CTNNA2: variants seen among roughly 807,000 people sequenced by gnomAD.
CTNNA2 encodes the protein catenin alpha 2.
In CTNNA2, 42 loss-of-function variants were observed where a neutral mutation model predicts 101.0. That is an observed-to-expected ratio of 0.42 (90% CI 0.32 to 0.54). The LOEUF is 0.54. CTNNA2 is among the 20% of genes least tolerant of loss of function. The pLI, the probability that CTNNA2 is intolerant of heterozygous loss-of-function variation, is 0.14. For synonymous variants in CTNNA2, 450 were observed against 456.4 expected (o/e 0.99, Z 0.18); for missense variants, 871 against 1,223.1 (o/e 0.71, Z 4.29).
At chr2:80,556,394 G>T (rs1475514467) in intron 12 of CTNNA2, among the ~76,000 whole-genome samples, 2 of 152,196 alleles carry the variant, frequency 1.3e-5, no homozygotes, top group Non-Finnish European at 2.9e-5. Context: ...TTTAGATAGT[G>T]AGTGGATATG....
chr2:79,647,299 A>G (rs1342470034), intron 1 of CTNNA2, among the ~76,000 whole-genome samples: 1 of 152,206 alleles, frequency 6.6e-6, no homozygotes, highest in Non-Finnish European at 1.5e-5. Flanking sequence ...CCAAAAAAGG[A>G]AATTTAAATT....
At chr2:80,309,330 G>T (rs1471807407) in intron 7 of CTNNA2, among the ~76,000 whole-genome samples, 1 of 152,064 alleles carries the variant, frequency 6.6e-6, no homozygotes, top group African/African-American at 2.4e-5. Flanking sequence ...TTTCTTAACT[G>T]ACTCCGAGGC....
At position 79,317,895 on chromosome 2, in the gene CTNNA2, A is replaced by G. The variant is rs140638353; in HGVS notation, c.-318+5099A>G. ...TTATCAATATGGACATAATTTTAAC[A>G]GATGAAATTTGTTAATTTTTAAATT... On this transcript the variant is annotated intron_variant, in intron 3 of 21. Coordinates refer to the CTNNA2 transcript ENST00000466387. Among the ~76,000 whole-genome samples the G allele has an allele frequency of 3.9e-3, 588 of 152,238 alleles. 3 individuals are homozygous for G. The highest frequency in any genetic ancestry group is 0.013 in the African/African-American group (552 of 41,572).
chr2:80,283,827 T>A (rs943214544), intron 7 of CTNNA2, among the ~76,000 whole-genome samples: 1 of 151,006 alleles, frequency 6.6e-6, no homozygotes, highest in Non-Finnish European at 1.5e-5. Context: ...GAATGGAAGA[T>A]GGGAGGGCAA....
intron 7 of CTNNA2, among the ~76,000 whole-genome samples, chr2:80,307,202 A>AC (rs1237695355): frequency 6.6e-6 from 1 of 151,976 alleles, no homozygotes; most frequent in African/African-American, 2.4e-5. Flanking sequence ...CCTTGGCAGA[A>AC]CCGTATACAT....
At chr2:80,536,917 TA>T (rs1691082860) in intron 9 of CTNNA2, among the ~76,000 whole-genome samples, 1 of 152,250 alleles carries the variant, frequency 6.6e-6, no homozygotes, top group African/African-American at 2.4e-5. Context: ...ATGGTCACTA[TA>T]CATTTTACTT....
chr2:80,010,522 T>G (rs1693703991), intron 7 of CTNNA2, among the ~76,000 whole-genome samples: 1 of 152,166 alleles, frequency 6.6e-6, no homozygotes, highest in Admixed American at 6.5e-5. Context: ...AGGGCTGGTC[T>G]TGAACTCCTA....
At chr2:79,252,213 T>A (rs911626692) in intron 2 of CTNNA2, among the ~76,000 whole-genome samples, 7 of 152,032 alleles carry the variant, frequency 4.6e-5, no homozygotes, top group African/African-American at 1.7e-4. Flanking sequence ...GGATAAAGAG[T>A]GTGTTTACAA....
chr2:80,606,502 A>C (rs1698041169), intron 16 of CTNNA2, among the ~76,000 whole-genome samples: 1 of 151,774 alleles, frequency 6.6e-6, no homozygotes, highest in Non-Finnish European at 1.5e-5. Flanking sequence ...GATTAAGTTT[A>C]AACCTAATCC....
intron 4 of CTNNA2, among the ~76,000 whole-genome samples, chr2:79,463,262 G>T (rs1312666923): frequency 6.6e-6 from 1 of 151,940 alleles, no homozygotes; most frequent in Admixed American, 6.6e-5. Context: ...ACAAAAATTA[G>T]CCAGGTGTGA....
intron 16 of CTNNA2, 48 bp downstream of exon 16, chr2:80,604,227 T>A: frequency 1.4e-6 from 2 of 1,481,034 alleles, no homozygotes; most frequent in African/African-American, 1.4e-5. Flanking sequence ...AGTCACTAAT[T>A]AGCACTTGGG....
intron 17 of CTNNA2, among the ~76,000 whole-genome samples, chr2:80,609,948 T>C (rs1698324251): frequency 6.6e-6 from 1 of 151,726 alleles, no homozygotes; most frequent in African/African-American, 2.4e-5. Flanking sequence ...CACTGGCTTT[T>C]ATCACTTGCA....
intron 3 of CTNNA2, among the ~76,000 whole-genome samples, chr2:79,837,407 C>G (rs1417319993): frequency 6.6e-6 from 1 of 152,142 alleles, no homozygotes; most frequent in African/African-American, 2.4e-5. Context: ...CTGCCTTTCC[C>G]AGTCCTAACT....
chr2:79,207,645 A>G (rs941906214), intron 2 of CTNNA2, among the ~76,000 whole-genome samples: 7 of 152,178 alleles, frequency 4.6e-5, no homozygotes, highest in African/African-American at 1.7e-4. Context: ...ATGAAGAACA[A>G]GTGGTGGTTC....
At chr2:79,462,605 T>C (rs1285893039) in intron 4 of CTNNA2, among the ~76,000 whole-genome samples, 1 of 152,252 alleles carries the variant, frequency 6.6e-6, no homozygotes, top group African/African-American at 2.4e-5. Context: ...GAAATGTGTC[T>C]GTTTTGTTCA....
intron 7 of CTNNA2, among the ~76,000 whole-genome samples, chr2:80,166,879 A>T (rs1704729391): frequency 6.6e-6 from 1 of 152,124 alleles, no homozygotes; most frequent in Non-Finnish European, 1.5e-5. Flanking sequence ...TGTCAGAATT[A>T]GGAAGCAGTT....
chr2:80,370,267 T>C lies in CTNNA2; in HGVS notation c.1057-22944T>C, dbSNP rs1280802865. On this transcript the variant is annotated intron_variant, in intron 7 of 18. Coordinates refer to ENST00000402739, the MANE Select transcript of CTNNA2 (RefSeq NM_001282597.3). ...CATATTTGAGTGGTGTGTGTGTGTGTGTATGTGTTTGTGTGCGTGTGTGAA... is the reference window on the plus strand; with the variant it reads ...CATATTTGAGTGGTGTGTGTGTGTGCGTATGTGTTTGTGTGCGTGTGTGAA... Among the ~76,000 whole-genome samples the C allele has an allele frequency of 3.3e-5, 5 of 151,824 alleles. No individual in the cohort carries two copies. In the East Asian group the frequency reaches 7.8e-4, roughly 24 times the overall value.
rs70940064 is a variant in CTNNA2 at position 79,982,192 on chromosome 2, C to CTA, written c.1056+72443_1056+72444dup. On this transcript the variant is annotated intron_variant, in intron 7 of 18. Transcript: ENST00000402739. Reference sequence around the variant, plus strand: ...TACCTGAGACCACAGGCATGTGCCACTATATATATATATATATATATATAT... The same window carrying CTA: ...TACCTGAGACCACAGGCATGTGCCACTATATATATATATATATATATATATAT... Among the ~76,000 whole-genome samples, 567 of 74,514 alleles carry CTA rather than the reference C, an allele frequency of 7.6e-3. 10 individuals carry two copies. The highest frequency in any genetic ancestry group is 8.9e-3 in the Non-Finnish European group (392 of 44,088). 48.9% of individuals were successfully genotyped at this position (74,514 alleles called of 152,430 possible).
At chr2:79,538,026 A>G (rs971128539) in intron 1 of CTNNA2, among the ~76,000 whole-genome samples, 3 of 152,158 alleles carry the variant, frequency 2.0e-5, no homozygotes, top group African/African-American at 7.2e-5. Context: ...ATTCCAAGAG[A>G]GGGAAGATCT....
Sources: gnomAD v4.1 joint callset for allele counts (sites outside exome capture counted in the v4.1 genomes callset) on GRCh38, gnomAD v4.1.1 for gene constraint, MANE v1.5 for transcripts, NCBI Gene and HGNC (gene_info 2026-07-23, HGNC 2026-07-21) for gene names.